PLA2G2F: variants seen among roughly 807,000 people sequenced by gnomAD.
PLA2G2F encodes group IIF secretory phospholipase A2.
In PLA2G2F, 17 loss-of-function variants were observed where a neutral mutation model predicts 15.9. The ratio of observed to expected loss-of-function variants is 1.07; its 90% confidence interval spans 0.73 to 1.60. The LOEUF is 1.60. PLA2G2F is among the 40% of genes most tolerant of loss of function. PLA2G2F has a pLI of 0.00. For synonymous variants in PLA2G2F, 119 were observed against 106.5 expected (o/e 1.12, Z -0.72); for missense variants, 299 against 278.2 (o/e 1.07, Z -0.53).
At position 20,148,849 on chromosome 1, in the gene PLA2G2F, A is replaced by G. The variant is rs1012823536; in HGVS notation, c.*448A>G. 1.5e-4 allele frequency: 26 copies of G among 172,692 alleles called. No homozygotes were observed. Among genetic ancestry groups the G allele is most frequent in the African/African-American group, 4.5e-4 (19 of 41,888 alleles). The allele number at this position is 172,692 out of a possible 1,614,324, so 10.7% of individuals were successfully genotyped here. A position where few individuals can be genotyped will look rare whatever the true frequency, so the allele number is the denominator to read the frequency against. On this transcript the variant is annotated 3_prime_UTR_variant, in exon 5 of 5. Coordinates refer to ENST00000375102, the MANE Select transcript of PLA2G2F (RefSeq NM_022819.4). ...ACAGGAAGGCAGATTGCTGGTCACA[A>G]AGCATGGGTTCCGGGAGCCCCTCAG...
chr1:20,144,784 T>A, intron 4 of PLA2G2F, 95 bp downstream of exon 4: 1 of 1,121,618 alleles, frequency 8.9e-7, no homozygotes, highest in East Asian at 2.6e-5. Context: ...CCAGATTAAA[T>A]ACAGGCTGCC....
At chr1:20,140,084 A>C in intron 1 of PLA2G2F, 82 bp from the exon 2 acceptor site, 1 of 1,440,548 alleles carries the variant, frequency 6.9e-7, no homozygotes, top group Non-Finnish European at 9.7e-7. Flanking sequence ...ACCTGTCCTG[A>C]GGCTCAGGAA....
At chr1:20,142,030 C>G (rs996096652) in intron 2 of PLA2G2F, 10 of 152,378 alleles carry the variant, frequency 6.6e-5, no homozygotes, top group Admixed American at 2.6e-4. Context: ...TTAGAGATGT[C>G]GGACACCATG....
intron 4 of PLA2G2F, among the ~76,000 whole-genome samples, chr1:20,146,757 G>T (rs567802499): frequency 6.6e-6 from 1 of 152,202 alleles, no homozygotes; most frequent in Non-Finnish European, 1.5e-5. Flanking sequence ...GATCTCTGTG[G>T]TCCTCATGTT....
chr1:20,139,519 C>A lies in PLA2G2F; in HGVS notation c.92C>A (p.Ala31Asp). 6.4e-7 allele frequency: 1 copy of A among 1,558,040 alleles called. No homozygotes were observed. The change falls in exon 1 of 5, where the codon GCC becomes GAC. Residue 31 changes from alanine (A) to aspartate (D), a missense_variant. By Grantham distance (126) the Ala-to-Asp change is moderately radical. Coordinates refer to ENST00000375102, the MANE Select transcript of PLA2G2F (RefSeq NM_022819.4). ...GGGTGGAGGGGCCCACGCTTCGGGGCCTCCTGTCCTTCAAGAACCTCCAGG... is the reference window on the plus strand; with the variant it reads ...GGGTGGAGGGGCCCACGCTTCGGGGACTCCTGTCCTTCAAGAACCTCCAGG... ...FSGWRGPRFG[A>D]SCPSRTSRSS...
Position 20,143,582 on chromosome 1 carries a change from G to A in PLA2G2F, c.306G>A (p.Glu102=). ...GLGGRGQPKD[E]VDWCCHAHDC... is the part of the protein sequence containing the mutation. ...GGGGCCGTGGCCAGCCCAAGGATGA[G>A]GTGGACTGGTAGGTACCAGAGGCCT... The change falls in exon 3 of 5, where the codon GAG becomes GAA. Residue 102 remains glutamate (E), a synonymous_variant. Coordinates refer to ENST00000375102, the MANE Select transcript of PLA2G2F (RefSeq NM_022819.4). 1.9e-6 allele frequency: 3 copies of A among 1,613,898 alleles called. No homozygotes were observed. Among genetic ancestry groups the A allele is most frequent in the Non-Finnish European group, 2.5e-6 (3 of 1,179,862 alleles).
At chr1:20,143,780 T>TGTC in intron 3 of PLA2G2F, 190 bp downstream of exon 3, 1 of 682,004 alleles carries the variant, frequency 1.5e-6, no homozygotes. Context: ...CGCTTTCTGT[T>TGTC]GTCCATCTCC....
rs2017662313 is a variant in PLA2G2F, at chr1:20,148,513, TC to T, written c.*115del. On this transcript the variant is annotated 3_prime_UTR_variant, in exon 5 of 5. Transcript: ENST00000375102. ...AGCCTGAGGGTTGCTGGTTGCCTCC[TC>T]CCTGGAGCTCTCCAGTGAGGGCTCA... The T allele has an allele frequency of 1.2e-6, 1 of 835,862 alleles. No individual in the cohort carries two copies. The highest frequency in any genetic ancestry group is 1.9e-6 in the Non-Finnish European group (1 of 532,128). 51.8% of individuals were successfully genotyped at this position (835,862 alleles called of 1,614,324 possible).
At chr1:20,147,622 G>A (rs2017639355) in intron 4 of PLA2G2F, among the ~76,000 whole-genome samples, 1 of 151,922 alleles carries the variant, frequency 6.6e-6, no homozygotes, top group African/African-American at 2.4e-5. Context: ...CTAATTTTTT[G>A]TATTTTTAGT....
chr1:20,140,175 G>T lies in PLA2G2F; in HGVS notation c.126G>T (p.Leu42=). 1 of 1,613,966 alleles carries T rather than the reference G, an allele frequency of 6.2e-7. No homozygotes were observed. The highest frequency in any genetic ancestry group is 1.1e-5 in the South Asian group (1 of 91,064). The stretch of plus-strand genomic sequence containing the variant: ...TTTCGTCCTCCCTCAGGTCTAGCCT[G>T]GGTATGAAGAAGTTCTTCACCGTGG... ...SCPSRTSRSS[L]GMKKFFTVAI... is the part of the protein sequence containing the mutation. The change falls in exon 2 of 5, where the codon CTG becomes CTT. Residue 42 remains leucine (L), a synonymous_variant. Transcript: ENST00000375102.
In PLA2G2F at chr1:20,148,645, T is replaced by C; in HGVS notation, c.*244T>C. On this transcript the variant is annotated 3_prime_UTR_variant, in exon 5 of 5. Transcript: ENST00000375102. ...TGGACTGGGTGGGAGGCACGGAGCT[T>C]ATAGGGGTCTCTCCTGAGGGTGGCC... 1.8e-6 allele frequency: 1 copy of C among 568,940 alleles called. No individual in the cohort carries two copies. The allele number at this position is 568,940 out of a possible 1,614,324, so 35.2% of individuals were successfully genotyped here.
In PLA2G2F at chr1:20,144,545, G is replaced by T; in HGVS notation, c.315-35G>T. On this transcript the variant is annotated intron_variant, in intron 3 of 4. Transcript: ENST00000375102. The stretch of plus-strand genomic sequence containing the variant: ...TGCTGGTGGGAGATGGGCCGGCCCA[G>T]CCATGCCTGTCCACTCACCTCTGCC... 2.0e-6 allele frequency: 3 copies of T among 1,509,716 alleles called. No individual in the cohort carries two copies. In the South Asian group the frequency reaches 3.5e-5, roughly 18 times the overall value. The allele number at this position is 1,509,716 out of a possible 1,614,324, so 93.5% of individuals were successfully genotyped here.
rs1312794383 is a variant in PLA2G2F at position 20,143,605 on chromosome 1, C to T, written c.314+15C>T. 6.2e-7 allele frequency: 1 copy of T among 1,610,826 alleles called. No individual in the cohort carries two copies. The highest frequency in any genetic ancestry group is 1.7e-5 in the Admixed American group (1 of 59,904). ...GAGGTGGACTGGTAGGTACCAGAGG[C>T]CTGGGCTCCTGTCAGGGGCCAAATG... is the stretch of plus-strand genomic sequence containing the variant. On this transcript the variant is annotated intron_variant, in intron 3 of 4. Coordinates refer to ENST00000375102, the MANE Select transcript of PLA2G2F (RefSeq NM_022819.4).
chr1:20,148,095 C>T (rs1438831837), intron 4 of PLA2G2F, 95 bp from the exon 5 acceptor site: 19 of 1,029,408 alleles, frequency 1.8e-5, no homozygotes, highest in Non-Finnish European at 2.0e-5. Context: ...GACCACTGGG[C>T]TCTCCAAGTC....
chr1:20,146,485 C>T (rs899081610), intron 4 of PLA2G2F, among the ~76,000 whole-genome samples: 5 of 152,156 alleles, frequency 3.3e-5, no homozygotes, highest in South Asian at 2.1e-4. Context: ...TGTAGGTAAG[C>T]GCAAGTGGCA....
chr1:20,146,227 T>C (rs898733913), intron 4 of PLA2G2F, among the ~76,000 whole-genome samples: 1 of 152,138 alleles, frequency 6.6e-6, no homozygotes, highest in African/African-American at 2.4e-5. Context: ...TCTGTCACCA[T>C]CTCCCTGCTC....
At chr1:20,140,295 A>T (rs2017432876) in intron 2 of PLA2G2F, 77 bp downstream of exon 2, 26 of 1,511,128 alleles carry the variant, frequency 1.7e-5, no homozygotes, top group Non-Finnish European at 2.3e-5. Flanking sequence ...CGCCTGAGTT[A>T]TGGTTCCACT....
chr1:20,146,603 C>T (rs2017613406), intron 4 of PLA2G2F, among the ~76,000 whole-genome samples: 4 of 152,310 alleles, frequency 2.6e-5, no homozygotes, highest in Non-Finnish European at 5.9e-5. Flanking sequence ...CCCTCTTTGC[C>T]CCCATGTCTT....
At position 20,148,254 on chromosome 1, in the gene PLA2G2F, C is replaced by T; in HGVS notation, c.489C>T (p.Cys163=). 1 of 1,614,080 alleles carries T rather than the reference C, an allele frequency of 6.2e-7. No homozygotes were observed. The highest frequency in any genetic ancestry group is 8.5e-7 in the Non-Finnish European group (1 of 1,179,988). Residue 163 remains cysteine (C), a synonymous_variant, in exon 5 of 5, where the codon TGC becomes TGT. Transcript: ENST00000375102. ...TCMCDKNMVL[C]LMNQTYREEY... is the part of the protein sequence containing the mutation. ...TGTGTGACAAGAACATGGTTCTGTG[C>T]CTCATGAACCAGACGTACCGAGAGG...
Sources: gnomAD v4.1 joint callset for allele counts (sites outside exome capture counted in the v4.1 genomes callset) on GRCh38, gnomAD v4.1.1 for gene constraint, MANE v1.5 for transcripts, NCBI Gene and HGNC (gene_info 2026-07-23, HGNC 2026-07-21) for gene names.